FMO1: variants seen among roughly 807,000 people sequenced by gnomAD.
FMO1 encodes flavin-containing monooxygenase 1.
FMO1 carries 36 observed loss-of-function variants against 45.4 expected under a neutral mutation model. The ratio of observed to expected loss-of-function variants is 0.79; its 90% CI spans 0.61 to 1.05. The LOEUF is 1.05. Ranked by LOEUF, FMO1 falls within the 50% of genes least tolerant of loss-of-function variation. The pLI is 0.00. For synonymous variants in FMO1, 228 were observed against 227.2 expected (o/e 1.00, Z -0.03); for missense variants, 615 against 640.3 (o/e 0.96, Z 0.43).
intron 3 of FMO1, among the ~76,000 whole-genome samples, chr1:171,274,237 T>TGTATATATTCCAG (rs1175472725): frequency 6.6e-6 from 1 of 151,702 alleles, no homozygotes; most frequent in Non-Finnish European, 1.5e-5. Flanking sequence ...CTCATTCCTC[T>TGTATATATTCCAG]GTATATATTC....
At chr1:171,269,568 T>C (rs1660764250) in intron 3 of FMO1, among the ~76,000 whole-genome samples, 1 of 152,170 alleles carries the variant, frequency 6.6e-6, no homozygotes, top group South Asian at 2.1e-4. Flanking sequence ...GTCAAAATTA[T>C]ATAACAAAAC....
Position 171,285,318 on chromosome 1 carries a change from A to G in FMO1, c.1373A>G (p.His458Arg). The G allele has an allele frequency of 1.9e-6, 3 of 1,614,016 alleles. No homozygotes were observed. The South Asian group carries it at 3.3e-5, about 18-fold the overall frequency. ...NLFSMLLTDPHLALTVFFGPC... is the reference protein window; with the variant it reads ...NLFSMLLTDPRLALTVFFGPC... The stretch of plus-strand genomic sequence containing the variant: ...TTCTCTATGCTCCTAACGGATCCAC[A>G]TCTGGCTCTGACCGTCTTCTTTGGC... The change falls in exon 9 of 9, where the codon CAT becomes CGT. Residue 458 changes from histidine (H) to arginine (R), a missense_variant. Transcript: ENST00000617670.
chr1:171,262,035 CTA>C (rs1249160471), intron 2 of FMO1, among the ~76,000 whole-genome samples: 5 of 152,186 alleles, frequency 3.3e-5, no homozygotes, highest in African/African-American at 1.2e-4. Context: ...TGTAGGTTGA[CTA>C]TCGCCATTAA....
At chr1:171,270,688 C>A (rs970962231) in intron 3 of FMO1, 1 of 1,060,644 alleles carries the variant, frequency 9.4e-7, no homozygotes, top group Non-Finnish European at 1.1e-6. Context: ...TGTGCACCAA[C>A]AAGAACATGC....
chr1:171,277,704 T>C (rs1213159692), intron 4 of FMO1, among the ~76,000 whole-genome samples: 1 of 152,200 alleles, frequency 6.6e-6, no homozygotes, highest in Non-Finnish European at 1.5e-5. Flanking sequence ...CTGATCCATA[T>C]TGGGTTCCTG....
intron 6 of FMO1, among the ~76,000 whole-genome samples, chr1:171,281,596 T>C (rs1661361245): frequency 6.6e-6 from 1 of 152,162 alleles, no homozygotes; most frequent in Non-Finnish European, 1.5e-5. Flanking sequence ...TATAAAACTT[T>C]TTCCTAGGAA....
intron 6 of FMO1, among the ~76,000 whole-genome samples, chr1:171,281,483 T>C (rs375256191): frequency 2.5e-4 from 38 of 152,242 alleles, no homozygotes; most frequent in African/African-American, 8.4e-4. Context: ...ATGGCTCAGC[T>C]TATACAAGAT....
rs150228183 is a variant in FMO1 at position 171,253,533 on chromosome 1, G to T, written c.-6-4549G>T. Among the ~76,000 whole-genome samples the T allele has an allele frequency of 2.4e-3, 362 of 152,118 alleles. 1 individual carries two copies. Among genetic ancestry groups the T allele is most frequent in the Non-Finnish European group, 3.3e-3 (226 of 67,986 alleles). ...AAATAATAATAAGGGAGGCCGAGGC[G>T]GGTGGATCACCTGAGGTCGGGAGTT... On this transcript the variant is annotated intron_variant, in intron 1 of 8. Transcript: ENST00000617670.
rs1391628583 is a variant in FMO1 at position 171,258,101 on chromosome 1, T to C, written c.14T>C (p.Val5Ala). ...ATGCAGGAGAACATGGCCAAGCGAG[T>C]TGCCATTGTGGGAGCTGGGGTCAGC... is the stretch of plus-strand genomic sequence containing the variant. MAKR[V>A]AIVGAGVSGL... The change falls in exon 2 of 9, where the codon GTT (valine) becomes GCT (alanine). Residue 5 changes from valine (V) to alanine (A), a missense_variant. Coordinates refer to ENST00000617670, the MANE Select transcript of FMO1 (RefSeq NM_001282693.2). The C allele has an allele frequency of 6.2e-7, 1 of 1,614,078 alleles. No homozygotes were observed.
intron 1 of FMO1, among the ~76,000 whole-genome samples, chr1:171,253,455 C>A (rs1374623157): frequency 6.6e-6 from 1 of 152,104 alleles, no homozygotes; most frequent in Non-Finnish European, 1.5e-5. Context: ...ATCACTTGAG[C>A]CCAGACATTC....
chr1:171,254,730 C>T (rs531715915), intron 1 of FMO1, among the ~76,000 whole-genome samples: 1 of 152,310 alleles, frequency 6.6e-6, no homozygotes, highest in African/African-American at 2.4e-5. Context: ...TCTCAGTGCT[C>T]CCTAACTCTA....
At chr1:171,268,794 A>C (rs1480090555) in intron 3 of FMO1, among the ~76,000 whole-genome samples, 2 of 152,224 alleles carry the variant, frequency 1.3e-5, no homozygotes, top group East Asian at 3.9e-4. Flanking sequence ...TTGCATTCAC[A>C]TTCACGACCT....
intron 1 of FMO1, among the ~76,000 whole-genome samples, chr1:171,254,525 A>G (rs1660062025): frequency 6.6e-6 from 1 of 152,250 alleles, no homozygotes; most frequent in African/African-American, 2.4e-5. Context: ...CAAGAAAATA[A>G]GAGATGAGCC....
intron 1 of FMO1, among the ~76,000 whole-genome samples, chr1:171,252,461 G>A (rs192939422): frequency 2.3e-3 from 346 of 152,148 alleles, no homozygotes; most frequent in African/African-American, 7.9e-3. Context: ...AACTGCCCTC[G>A]TCTCTTTCCC....
chr1:171,257,905 G>C (rs532798024), intron 1 of FMO1, 177 bp from the exon 2 acceptor site: 76 of 655,400 alleles, frequency 1.2e-4, no homozygotes, highest in African/African-American at 1.0e-3. Flanking sequence ...CCAAGCACAG[G>C]GTTAACCAGT....
At chr1:171,261,139 A>C (rs767019694) in intron 2 of FMO1, among the ~76,000 whole-genome samples, 1 of 152,154 alleles carries the variant, frequency 6.6e-6, no homozygotes, top group Non-Finnish European at 1.5e-5. Context: ...ACCTTCATGC[A>C]GCAGCCTTCT....
chr1:171,252,256 C>A (rs966038141), intron 1 of FMO1, among the ~76,000 whole-genome samples: 1 of 152,100 alleles, frequency 6.6e-6, no homozygotes. Flanking sequence ...CTGCCCCTGC[C>A]CTCCCATGAA....
chr1:171,258,327 G>A (rs941582638), intron 2 of FMO1, 108 bp downstream of exon 2: 19 of 1,338,426 alleles, frequency 1.4e-5, no homozygotes, highest in Non-Finnish European at 1.7e-5. Context: ...AGGAAGGTTA[G>A]AAATGTCTGC....
intron 4 of FMO1, among the ~76,000 whole-genome samples, chr1:171,276,854 T>C (rs1661133819): frequency 1.3e-5 from 2 of 152,114 alleles, no homozygotes; most frequent in African/African-American, 2.4e-5. Flanking sequence ...ATTGAGCCAA[T>C]ATGCTCAGTT....
Sources: allele counts gnomAD v4.1 joint callset (sites outside exome capture counted in the v4.1 genomes callset), GRCh38; gene constraint gnomAD v4.1.1; transcripts MANE v1.5; gene names NCBI Gene and HGNC (gene_info 2026-07-23, HGNC 2026-07-21).